Variants in SPECC1 observed in about 807,000 individuals in gnomAD.
SPECC1 encodes the protein cytospin-B.
Under a neutral mutation model 104.1 loss-of-function variants are expected in SPECC1, and 62 were observed. The observed-to-expected ratio is 0.60, with a 90% CI of 0.49 to 0.74. SPECC1 has a LOEUF of 0.74. SPECC1 is among the 30% of genes least tolerant of loss of function. SPECC1 has a pLI of 0.00. For synonymous variants in SPECC1, 513 were observed against 501.6 expected, an observed-to-expected ratio of 1.02 and a Z score of -0.30; for missense variants, 1,306 against 1,310.5, an observed-to-expected ratio of 1.00 and a Z score of 0.05.
chr17:20,137,390 C>T (rs958915280), intron 3 of SPECC1, among the ~76,000 whole-genome samples: 1 of 152,154 alleles, frequency 6.6e-6, no homozygotes, highest in Non-Finnish European at 1.5e-5. Context: ...TGGAGTTAAT[C>T]GTGCCCATTA....
intron 1 of SPECC1, among the ~76,000 whole-genome samples, chr17:20,090,553 A>G (rs1391843606): frequency 2.0e-5 from 3 of 148,776 alleles, no homozygotes; most frequent in Non-Finnish European, 4.4e-5. Flanking sequence ...TGTAGTTTTT[A>G]TTCTGTTTAC....
intron 4 of SPECC1, among the ~76,000 whole-genome samples, chr17:20,221,575 C>G (rs1295347541): frequency 6.6e-6 from 1 of 151,826 alleles, no homozygotes; most frequent in Non-Finnish European, 1.5e-5. Flanking sequence ...AAAGTTTTGT[C>G]AATTTTGTTT....
intron 1 of SPECC1, among the ~76,000 whole-genome samples, chr17:20,035,168 C>G (rs1008378549): frequency 6.6e-5 from 10 of 152,224 alleles, no homozygotes; most frequent in African/African-American, 2.2e-4. Context: ...CTGTCAATAT[C>G]ACAGTCTTGA....
intron 3 of SPECC1, among the ~76,000 whole-genome samples, chr17:20,183,751 A>T (rs971579979): frequency 6.6e-6 from 1 of 152,200 alleles, no homozygotes; most frequent in South Asian, 2.1e-4. Context: ...ACATGTCTAT[A>T]TACATTCAGA....
intron 3 of SPECC1, chr17:20,156,000 G>T (rs2032447486): frequency 7.8e-6 from 10 of 1,282,992 alleles, no homozygotes; most frequent in Non-Finnish European, 8.9e-6. Flanking sequence ...ATGCAGATGA[G>T]GGGGCGGGGC....
chr17:20,098,543 A>T (rs1597693913), intron 2 of SPECC1, among the ~76,000 whole-genome samples: 1 of 152,080 alleles, frequency 6.6e-6, no homozygotes, highest in Non-Finnish European at 1.5e-5. Flanking sequence ...TCAGGGCCCA[A>T]CCCTGTCCCC....
At chr17:20,032,898 A>G (rs2044877026) in intron 1 of SPECC1, among the ~76,000 whole-genome samples, 1 of 151,762 alleles carries the variant, frequency 6.6e-6, no homozygotes, top group African/African-American at 2.4e-5. Context: ...GTGTCTGTAT[A>G]TATGTATATA....
intron 9 of SPECC1, 82 bp downstream of exon 9, chr17:20,247,401 C>G (rs1296768698): frequency 3.2e-6 from 3 of 942,170 alleles, no homozygotes; most frequent in Non-Finnish European, 5.0e-6. Flanking sequence ...TATTAGTGTC[C>G]GTGTGTGTAT....
At chr17:20,131,027 CATTGCTAGTAT>C (rs1269774731) in intron 3 of SPECC1, among the ~76,000 whole-genome samples, 3 of 152,110 alleles carry the variant, frequency 2.0e-5, no homozygotes, top group African/African-American at 7.2e-5. Context: ...TTTGTGTGTT[CATTGCTAGTAT>C]ATTGAAATGC....
chr17:20,022,455 C>T (rs929330320), intron 1 of SPECC1, among the ~76,000 whole-genome samples: 9 of 152,018 alleles, frequency 5.9e-5, no homozygotes, highest in African/African-American at 1.9e-4. Context: ...ATATGTTATA[C>T]GTCAGCTTTT....
At chr17:20,125,240 A>T (rs914172052) in intron 3 of SPECC1, among the ~76,000 whole-genome samples, 33 of 152,272 alleles carry the variant, frequency 2.2e-4, no homozygotes, top group African/African-American at 7.9e-4. Flanking sequence ...CCATCAACCT[A>T]ATTTACTGGA....
chr17:20,038,498 C>G (rs963663631), intron 1 of SPECC1, among the ~76,000 whole-genome samples: 1 of 147,148 alleles, frequency 6.8e-6, no homozygotes, highest in Non-Finnish European at 1.5e-5. Context: ...TGCCTGTGTT[C>G]AAGCGATTCT....
chr17:20,120,347 C>T (rs913850193), intron 3 of SPECC1, among the ~76,000 whole-genome samples: 2 of 151,950 alleles, frequency 1.3e-5, no homozygotes, highest in Non-Finnish European at 2.9e-5. Context: ...GATTGTGCCA[C>T]TGCACTCGAG....
chr17:20,052,324 G>C (rs538294925), intron 1 of SPECC1, among the ~76,000 whole-genome samples: 5 of 152,180 alleles, frequency 3.3e-5, no homozygotes, highest in African/African-American at 1.2e-4. Flanking sequence ...ATCTACAGTT[G>C]GTCATGTTTT....
intron 3 of SPECC1, among the ~76,000 whole-genome samples, chr17:20,170,647 T>C (rs2034017594): frequency 6.6e-6 from 1 of 152,198 alleles, no homozygotes; most frequent in South Asian, 2.1e-4. Flanking sequence ...TTGTAAATAC[T>C]CTTTTACCAA....
rs1366626584 is a variant in SPECC1 at position 20,096,619 on chromosome 17, G to T, written c.-21-12G>T. On this transcript the variant is annotated splice_polypyrimidine_tract_variant and intron_variant, in intron 1 of 14. Coordinates refer to ENST00000395527, the MANE Select transcript of SPECC1 (RefSeq NM_001243439.2). ...TGATGGAGACATGTTTTTCTTTTCT[G>T]CTCTTTTGCAGGACAGACCCACGAA... 2 of 1,583,852 alleles carry T rather than the reference G, an allele frequency of 1.3e-6. No individual in the cohort carries two copies. The highest frequency in any genetic ancestry group is 1.8e-5 in the Admixed American group (1 of 54,686).
intron 1 of SPECC1, among the ~76,000 whole-genome samples, chr17:20,093,176 A>G (rs957500628): frequency 2.6e-5 from 4 of 152,218 alleles, no homozygotes; most frequent in Admixed American, 1.3e-4. Context: ...TGGAGGCTGC[A>G]TAGTCTAAGA....
chr17:20,021,700 A>ATTTT (rs1373881239), intron 1 of SPECC1, among the ~76,000 whole-genome samples: 6 of 101,624 alleles, frequency 5.9e-5, no homozygotes, highest in East Asian at 2.2e-4. Flanking sequence ...ATATATATAT[A>ATTTT]TATTTTTTTG....
At chr17:20,197,632 G>T (rs886463778) in intron 3 of SPECC1, among the ~76,000 whole-genome samples, 4 of 152,218 alleles carry the variant, frequency 2.6e-5, no homozygotes, top group African/African-American at 9.7e-5. Flanking sequence ...CTGGAAGGCA[G>T]AGACCAAAAG....
Sources: gnomAD v4.1 joint callset for allele counts (sites outside exome capture counted in the v4.1 genomes callset) on GRCh38, gnomAD v4.1.1 for gene constraint, MANE v1.5 for transcripts, NCBI Gene and HGNC (gene_info 2026-07-23, HGNC 2026-07-21) for gene names.